The following BOLL variants were observed in gnomAD, a reference collection of about 807,000 sequenced individuals.
The protein encoded by BOLL is protein boule-like.
A neutral mutation model predicts 44.4 loss-of-function variants in BOLL; 23 were observed. The observed-to-expected ratio is 0.52, with a 90% CI of 0.37 to 0.73. BOLL has a LOEUF of 0.73. BOLL is among the 30% of genes least tolerant of loss of function. The pLI is 0.00. For synonymous variants in BOLL, 97 were observed against 110.8 expected (o/e 0.88, Z 0.78); for missense variants, 287 against 338.3 (o/e 0.85, Z 1.19).
chr2:197,752,762 C>G (rs922015034), intron 9 of BOLL, among the ~76,000 whole-genome samples: 1 of 152,190 alleles, frequency 6.6e-6, no homozygotes, highest in African/African-American at 2.4e-5. Flanking sequence ...CTATTCCCAT[C>G]AAGCTACCAT....
intron 6 of BOLL, among the ~76,000 whole-genome samples, chr2:197,769,029 T>C (rs1263237104): frequency 2.0e-5 from 3 of 151,872 alleles, no homozygotes; most frequent in Non-Finnish European, 4.4e-5. Context: ...TTATGGTGGA[T>C]AAGCTTTTTG....
At chr2:197,752,959 T>G (rs892088715) in intron 9 of BOLL, among the ~76,000 whole-genome samples, 2 of 152,122 alleles carry the variant, frequency 1.3e-5, no homozygotes, top group East Asian at 1.9e-4. Context: ...AACAGATATA[T>G]AGACCAATGG....
chr2:197,762,616 T>C (rs1475055390), intron 7 of BOLL, among the ~76,000 whole-genome samples: 1 of 152,104 alleles, frequency 6.6e-6, no homozygotes, highest in Non-Finnish European at 1.5e-5. Context: ...TTCAAAACTA[T>C]ACAAATTCAT....
At chr2:197,737,825 T>G (rs1398833651) in intron 10 of BOLL, among the ~76,000 whole-genome samples, 1 of 152,158 alleles carries the variant, frequency 6.6e-6, no homozygotes, top group Non-Finnish European at 1.5e-5. Flanking sequence ...TTCTGAATCA[T>G]ACTTTGTCGA....
At chr2:197,774,502 T>C (rs1333020011) in intron 5 of BOLL, 1 of 152,236 alleles carries the variant, frequency 6.6e-6, no homozygotes, top group Non-Finnish European at 1.5e-5. Context: ...ACTCATAACA[T>C]TGACCCTTGC....
chr2:197,756,066 G>T (rs1337178635), intron 9 of BOLL: 1 of 152,396 alleles, frequency 6.6e-6, no homozygotes, highest in African/African-American at 2.4e-5. Context: ...TTTTTTTAAA[G>T]ATTTTTTTTC....
At position 197,740,840 on chromosome 2, in the gene BOLL, G is replaced by T. The variant is rs115780484; in HGVS notation, c.828+2221C>A. On this transcript the variant is annotated intron_variant, in intron 10 of 10. Coordinates refer to ENST00000392296, the MANE Select transcript of BOLL (RefSeq NM_033030.6). Reference sequence around the variant, plus strand: ...GTGATGGTTGCATAGCATTGTGAATGTAATTAATGCCACTGAATTGTACAC... The same window carrying T: ...GTGATGGTTGCATAGCATTGTGAATTTAATTAATGCCACTGAATTGTACAC... 5.0e-3 allele frequency among the ~76,000 whole-genome samples: 763 copies of T among 152,250 alleles called. 3 individuals are homozygous for T. The highest frequency in any genetic ancestry group is 0.017 in the African/African-American group (723 of 41,556).
rs992608894 is a variant in BOLL at position 197,728,372 on chromosome 2, G to A, written c.*183C>T. On this transcript the variant is annotated 3_prime_UTR_variant, in exon 11 of 11. Transcript: ENST00000392296. ...ACCTAAATAATTTTGTAGAACAGCTGAAAAAGCAAATTTCATCAAATTTAG... is the reference window on the plus strand; with the variant it reads ...ACCTAAATAATTTTGTAGAACAGCTAAAAAAGCAAATTTCATCAAATTTAG... 10 of 1,015,890 alleles carry A rather than the reference G, an allele frequency of 9.8e-6. No individual in the cohort carries two copies. In the East Asian group the frequency reaches 2.1e-4, roughly 21 times the overall value. 62.9% of individuals were successfully genotyped at this position (1,015,890 alleles called of 1,614,324 possible).
intron 9 of BOLL, among the ~76,000 whole-genome samples, chr2:197,755,243 C>T (rs947193559): frequency 1.6e-4 from 24 of 152,280 alleles, no homozygotes; most frequent in African/African-American, 5.5e-4. Context: ...CAAGGAACAA[C>T]AGATGCTGGT....
At position 197,775,704 on chromosome 2, in the gene BOLL, T is replaced by C. The variant is rs749281445; in HGVS notation, c.313A>G (p.Ile105Val). Reference protein sequence around the residue: ...KLNYKDKKLNIGPAIRKQQVG... With the variant: ...KLNYKDKKLNVGPAIRKQQVG... ...TGTTGTTTTCTTATTGCTGGACCAA[T>C]GTTCAGCTTCTTATCCTTATAATTA... The change falls in exon 5 of 11, where the codon ATT (isoleucine) becomes GTT (valine). Residue 105 changes from isoleucine (I) to valine (V), a missense_variant. By Grantham distance (29) the Ile-to-Val change is conservative. Transcript: ENST00000392296. The C allele has an allele frequency of 5.1e-6, 8 of 1,567,222 alleles. No homozygotes were observed. The Admixed American group carries it at 1.1e-4, about 21-fold the overall frequency.
chr2:197,746,350 G>A (rs765306057), intron 9 of BOLL, among the ~76,000 whole-genome samples: 6 of 152,166 alleles, frequency 3.9e-5, no homozygotes, highest in Non-Finnish European at 7.4e-5. Context: ...CCATTTCCAT[G>A]TTCACTCCAG....
chr2:197,776,804 C>A (rs1308191719), intron 4 of BOLL, among the ~76,000 whole-genome samples: 1 of 151,854 alleles, frequency 6.6e-6, no homozygotes, highest in Non-Finnish European at 1.5e-5. Flanking sequence ...ATGCTATTAA[C>A]ACTTCGCAAA....
At chr2:197,768,605 T>C (rs909274376) in intron 6 of BOLL, among the ~76,000 whole-genome samples, 2 of 151,616 alleles carry the variant, frequency 1.3e-5, no homozygotes, top group African/African-American at 4.8e-5. Flanking sequence ...AATAGGTGGA[T>C]TAGTCGATAC....
chr2:197,767,617 G>A (rs539009383), intron 6 of BOLL, among the ~76,000 whole-genome samples: 21 of 152,034 alleles, frequency 1.4e-4, no homozygotes, highest in African/African-American at 5.1e-4. Context: ...AACCATGAGT[G>A]ATTTTGTCCT....
intron 10 of BOLL, among the ~76,000 whole-genome samples, chr2:197,737,303 T>C (rs1687537605): frequency 6.6e-6 from 1 of 152,084 alleles, no homozygotes; most frequent in African/African-American, 2.4e-5. Flanking sequence ...CATCCTTGAA[T>C]GGGGATCTAC....
At chr2:197,738,524 G>A (rs1258874628) in intron 10 of BOLL, among the ~76,000 whole-genome samples, 1 of 152,174 alleles carries the variant, frequency 6.6e-6, no homozygotes, top group Non-Finnish European at 1.5e-5. Context: ...GTAGGCTGTG[G>A]CTTACAGCCA....
At position 197,782,403 on chromosome 2, in the gene BOLL, C is replaced by A. The variant is rs562982989; in HGVS notation, c.-15-538G>T. Among the ~76,000 whole-genome samples, 60 of 152,278 alleles carry A rather than the reference C, an allele frequency of 3.9e-4. 2 individuals carry two copies. The South Asian group carries it at 0.012, about 29-fold the overall frequency. ...GCATTGCCCAAACCACAAGAATAAC[C>A]AAACAACCCTCCATTCTGGCTGATA... On this transcript the variant is annotated intron_variant, in intron 1 of 10. Transcript: ENST00000392296.
At chr2:197,737,060 T>C (rs1687524637) in intron 10 of BOLL, among the ~76,000 whole-genome samples, 1 of 152,140 alleles carries the variant, frequency 6.6e-6, no homozygotes, top group African/African-American at 2.4e-5. Context: ...GGCAGTATTT[T>C]CTTACACTAG....
chr2:197,780,287 A>G (rs1235650376), intron 2 of BOLL, among the ~76,000 whole-genome samples: 1 of 152,068 alleles, frequency 6.6e-6, no homozygotes, highest in Non-Finnish European at 1.5e-5. Flanking sequence ...ATTAAAGTAA[A>G]TGATTTCCTT....
Sources: gnomAD v4.1 joint callset for allele counts (sites outside exome capture counted in the v4.1 genomes callset) on GRCh38, gnomAD v4.1.1 for gene constraint, MANE v1.5 for transcripts, NCBI Gene and HGNC (gene_info 2026-07-23, HGNC 2026-07-21) for gene names.